The following OXCT1 variants were observed in gnomAD, a reference collection of about 807,000 sequenced individuals.
OXCT1 encodes the protein succinyl-CoA:3-ketoacid coenzyme A transferase 1, mitochondrial.
OXCT1 carries 27 observed loss-of-function variants against 69.6 expected under a neutral mutation model. That is an observed-to-expected ratio of 0.39 (90% CI 0.29 to 0.54). The LOEUF (loss-of-function observed/expected upper bound fraction) is 0.54. OXCT1 is among the 20% of genes least tolerant of loss of function. The pLI is 0.72. For missense variants in OXCT1, 437 were observed against 650.2 expected (o/e 0.67, Z 3.57); for synonymous variants, 202 against 217.8 (o/e 0.93, Z 0.64).
chr5:41,800,897 C>A, intron 11 of OXCT1, 125 bp downstream of exon 11: 1 of 837,770 alleles, frequency 1.2e-6, no homozygotes, highest in Non-Finnish European at 2.1e-6. Context: ...AAAAGCTTAT[C>A]TCTCCTCCTC....
chr5:41,751,486 T>C lies in OXCT1; in HGVS notation c.1339-1879A>G, dbSNP rs185688669. On this transcript the variant is annotated intron_variant, in intron 14 of 16. Transcript: ENST00000196371. ...TAGCATAGTGGTTAAGTGCATGGGCTAGAGCCAAAGGACCTGTGTGTAAAA... is the reference window on the plus strand; with the variant it reads ...TAGCATAGTGGTTAAGTGCATGGGCCAGAGCCAAAGGACCTGTGTGTAAAA... Among the ~76,000 whole-genome samples the C allele has an allele frequency of 5.3e-5, 8 of 152,270 alleles. No homozygotes were observed. The East Asian group carries it at 1.4e-3, about 26-fold the overall frequency.
intron 13 of OXCT1, among the ~76,000 whole-genome samples, chr5:41,780,202 T>A (rs980452831): frequency 6.6e-5 from 10 of 152,020 alleles, no homozygotes; most frequent in African/African-American, 2.4e-4. Context: ...ATTAACAAAA[T>A]TGCCACAAGA....
chr5:41,841,418 T>C (rs144045165), intron 6 of OXCT1, among the ~76,000 whole-genome samples: 88 of 152,290 alleles, frequency 5.8e-4, no homozygotes, highest in African/African-American at 2.1e-3. Flanking sequence ...AAGGGCAGAA[T>C]GGTCAGAGGC....
At chr5:41,821,717 C>T (rs1346194678) in intron 7 of OXCT1, among the ~76,000 whole-genome samples, 1 of 152,164 alleles carries the variant, frequency 6.6e-6, no homozygotes, top group Non-Finnish European at 1.5e-5. Context: ...TTCTCATATG[C>T]TTATTTGCCA....
At chr5:41,834,504 AC>A (rs1399183565) in intron 7 of OXCT1, among the ~76,000 whole-genome samples, 29 of 150,932 alleles carry the variant, frequency 1.9e-4, no homozygotes, top group Middle Eastern at 3.4e-3. Flanking sequence ...AAAAAAAAAA[AC>A]AAAACAGAAC....
At chr5:41,822,420 A>C (rs1747600046) in intron 7 of OXCT1, among the ~76,000 whole-genome samples, 1 of 152,154 alleles carries the variant, frequency 6.6e-6, no homozygotes, top group African/African-American at 2.4e-5. Context: ...CTTTATCCCT[A>C]ATAATTTTCC....
At chr5:41,846,773 C>G (rs13165731) in intron 5 of OXCT1, among the ~76,000 whole-genome samples, 27,712 of 152,132 alleles carry the variant, frequency 0.18, 2,736 homozygotes, top group Middle Eastern at 0.28. Flanking sequence ...TCCTATTTCT[C>G]CACATCCTCT....
intron 9 of OXCT1, among the ~76,000 whole-genome samples, chr5:41,803,580 T>C (rs1746522795): frequency 6.6e-6 from 1 of 152,096 alleles, no homozygotes; most frequent in African/African-American, 2.4e-5. Flanking sequence ...TATTGATAAA[T>C]GGAGTTACCG....
chr5:41,845,599 A>C, intron 5 of OXCT1, among the ~76,000 whole-genome samples: 1 of 152,304 alleles, frequency 6.6e-6, no homozygotes, highest in Non-Finnish European at 1.5e-5. Flanking sequence ...TAAGAAATAA[A>C]TTATCTGTCA....
At chr5:41,791,146 C>A (rs925853891) in intron 13 of OXCT1, among the ~76,000 whole-genome samples, 25 of 152,150 alleles carry the variant, frequency 1.6e-4, no homozygotes, top group Non-Finnish European at 3.4e-4. Flanking sequence ...GATTCTGAAG[C>A]TGCCCTGAGT....
chr5:41,773,590 G>A (rs866750763), intron 13 of OXCT1, among the ~76,000 whole-genome samples: 4 of 151,446 alleles, frequency 2.6e-5, no homozygotes, highest in Admixed American at 6.6e-5. Flanking sequence ...TACAGAGTGA[G>A]ACCTTATCCC....
intron 13 of OXCT1, among the ~76,000 whole-genome samples, chr5:41,787,634 CAAAAAAAAAAA>C (rs765691863): frequency 1.2e-4 from 4 of 34,734 alleles, no homozygotes; most frequent in Non-Finnish European, 1.8e-4. Flanking sequence ...AAGCATTAGG[CAAAAAAAAAAA>C]AAAAAAAAAA....
chr5:41,804,504 T>G (rs1023786189), intron 9 of OXCT1, among the ~76,000 whole-genome samples: 2 of 152,070 alleles, frequency 1.3e-5, no homozygotes, highest in Non-Finnish European at 2.9e-5. Flanking sequence ...ATCAGTATTA[T>G]AGTCAGTGTT....
chr5:41,745,929 G>A (rs564171751), intron 15 of OXCT1, among the ~76,000 whole-genome samples: 22 of 152,112 alleles, frequency 1.4e-4, no homozygotes, highest in Non-Finnish European at 2.4e-4. Flanking sequence ...ACCAAAAAAC[G>A]TCCAGGACCA....
rs146923493 is a variant in OXCT1 at position 41,779,099 on chromosome 5, G to A, written c.1248+14904C>T. On this transcript the variant is annotated intron_variant, in intron 13 of 16. Transcript: ENST00000196371. ...TGTAGATTATTTCTAGGTCTTATAC[G>A]TGTTAGAAGCCTGAACCAGGTAGAA... is the stretch of plus-strand genomic sequence containing the variant. 2.8e-4 allele frequency among the ~76,000 whole-genome samples: 42 copies of A among 152,248 alleles called. 1 individual carries two copies. Among genetic ancestry groups the A allele is most frequent in the African/African-American group, 9.9e-4 (41 of 41,536 alleles).
intron 9 of OXCT1, among the ~76,000 whole-genome samples, chr5:41,803,826 T>G (rs558481143): frequency 1.7e-4 from 26 of 152,188 alleles, no homozygotes; most frequent in African/African-American, 5.8e-4. Flanking sequence ...CCTTAAATGA[T>G]CAAAACAGGA....
rs917545721 is a variant in OXCT1, at chr5:41,769,599, T to C, written c.1249-7399A>G. On this transcript the variant is annotated intron_variant, in intron 13 of 16. Transcript: ENST00000196371. Reference sequence around the variant, plus strand: ...AAAAAAGTCACTAGATGGGATGATGTGTGCCTGTGGTCCCAGCTACTCGAG... The same window carrying C: ...AAAAAAGTCACTAGATGGGATGATGCGTGCCTGTGGTCCCAGCTACTCGAG... Among the ~76,000 whole-genome samples the C allele has an allele frequency of 1.3e-5, 2 of 149,564 alleles. 1 individual carries two copies. The highest frequency in any genetic ancestry group is 7.1e-3 in the Middle Eastern group (2 of 282).
intron 3 of OXCT1, among the ~76,000 whole-genome samples, chr5:41,856,202 CA>C (rs1282396075): frequency 1.3e-5 from 2 of 152,168 alleles, no homozygotes; most frequent in Non-Finnish European, 2.9e-5. Context: ...AAACAACCAA[CA>C]GTGAGAGTCT....
chr5:41,802,098 A>G lies in OXCT1; in HGVS notation c.1050+971T>C, dbSNP rs563922920. Among the ~76,000 whole-genome samples, 7 of 152,186 alleles carry G rather than the reference A, an allele frequency of 4.6e-5. No individual in the cohort carries two copies. In the East Asian group the frequency reaches 1.4e-3, roughly 29 times the overall value. On this transcript the variant is annotated intron_variant, in intron 10 of 16. Transcript: ENST00000196371. ...TTTCTTCAAAACCAGGAATTTGATC[A>G]CTCTAGATAATCTCTAAGGCACCTT...
Sources: allele counts gnomAD v4.1 joint callset (sites outside exome capture counted in the v4.1 genomes callset), GRCh38; gene constraint gnomAD v4.1.1; transcripts MANE v1.5; gene names NCBI Gene and HGNC (gene_info 2026-07-23, HGNC 2026-07-21).